The following FRMD4A variants were observed in gnomAD, a reference collection of about 807,000 sequenced individuals.
FRMD4A encodes the protein FERM domain containing 4A.
A neutral mutation model predicts 129.1 loss-of-function variants in FRMD4A; 29 were observed. The observed-to-expected ratio is 0.22, with a 90% CI of 0.17 to 0.31. The LOEUF (loss-of-function observed/expected upper bound fraction) is 0.31. Among genes scored for constraint, FRMD4A ranks in the 10% least tolerant of loss-of-function variants. The probability of loss-of-function intolerance (pLI) is 1.00; values close to 1 mark genes in which losing one functional copy is unlikely to be tolerated. For missense variants in FRMD4A, 1,272 were observed against 1,375.8 expected (o/e 0.92, Z 1.19); for synonymous variants, 634 against 571.6 (o/e 1.11, Z -1.56).
chr10:13,713,961 A>G lies in FRMD4A; in HGVS notation c.760-6848T>C, dbSNP rs1315148322. On this transcript the variant is annotated intron_variant, in intron 12 of 24. Transcript: ENST00000357447. ...ACATATATGTAATACACACACATATATAATATATACATATATGTAATATAC... is the reference window on the plus strand; with the variant it reads ...ACATATATGTAATACACACACATATGTAATATATACATATATGTAATATAC... Among the ~76,000 whole-genome samples, 3 of 124,578 alleles carry G rather than the reference A, an allele frequency of 2.4e-5. 1 individual carries two copies. Among genetic ancestry groups the G allele is most frequent in the Non-Finnish European group, 5.0e-5 (3 of 59,552 alleles). The allele number at this position is 124,578 out of a possible 152,430, so 81.7% of individuals were successfully genotyped here.
intron 2 of FRMD4A, among the ~76,000 whole-genome samples, chr10:14,047,452 T>G (rs12250709): frequency 6.6e-6 from 1 of 152,024 alleles, no homozygotes; most frequent in Non-Finnish European, 1.5e-5. Flanking sequence ...TCATTTTCAG[T>G]CATTTAAGAG....
chr10:14,121,950 G>C (rs1838547505), intron 2 of FRMD4A, among the ~76,000 whole-genome samples: 2 of 152,194 alleles, frequency 1.3e-5, no homozygotes, highest in African/African-American at 2.4e-5. Context: ...GTTGCAGTAA[G>C]GATTATGCCA....
intron 2 of FRMD4A, among the ~76,000 whole-genome samples, chr10:14,234,066 A>T (rs1410231477): frequency 6.6e-6 from 1 of 152,236 alleles, no homozygotes; most frequent in East Asian, 1.9e-4. Flanking sequence ...TTGCCTCCCA[A>T]GACTAAGCAC....
chr10:13,734,952 C>A lies in FRMD4A; in HGVS notation c.759+2892G>T, dbSNP rs188056361. Among the ~76,000 whole-genome samples the A allele has an allele frequency of 2.8e-4, 42 of 152,164 alleles. 1 individual carries two copies. The East Asian group carries it at 7.9e-3, about 29-fold the overall frequency. The stretch of plus-strand genomic sequence containing the variant: ...GCAGTGGTGCGATCTCAGCTTACTG[C>A]AACCTCTGCCTTCCAGGTTCAAGTG... On this transcript the variant is annotated intron_variant, in intron 12 of 24. Transcript: ENST00000357447.
chr10:14,025,202 T>C (rs770801629), intron 2 of FRMD4A, among the ~76,000 whole-genome samples: 7 of 152,182 alleles, frequency 4.6e-5, no homozygotes, highest in African/African-American at 1.7e-4. Context: ...AAGGAAAAAA[T>C]TTAATATCTC....
intron 2 of FRMD4A, among the ~76,000 whole-genome samples, chr10:13,902,916 CTGATTCTTAGCTTG>C (rs1208626079): frequency 6.6e-6 from 1 of 151,778 alleles, no homozygotes; most frequent in African/African-American, 2.4e-5. Flanking sequence ...ACCCAGGTCT[CTGATTCTTAGCTTG>C]GGTTAGGGTG....
At chr10:13,943,921 C>T (rs113832912) in intron 2 of FRMD4A, among the ~76,000 whole-genome samples, 2 of 152,186 alleles carry the variant, frequency 1.3e-5, no homozygotes, top group African/African-American at 4.8e-5. Flanking sequence ...AAGAAAGGCA[C>T]CTTCAAGGTG....
At chr10:14,010,537 G>A (rs1285200915) in intron 2 of FRMD4A, among the ~76,000 whole-genome samples, 1 of 151,738 alleles carries the variant, frequency 6.6e-6, no homozygotes, top group African/African-American at 2.4e-5. Context: ...TCCCCGCGGA[G>A]TAGGTGACCC....
intron 2 of FRMD4A, among the ~76,000 whole-genome samples, chr10:14,122,328 T>A (rs951352057): frequency 4.6e-5 from 7 of 152,226 alleles, no homozygotes; most frequent in African/African-American, 1.7e-4. Context: ...TCACAAGGTT[T>A]TTTTTATACG....
intron 12 of FRMD4A, 132 bp from the exon 13 acceptor site, chr10:13,707,245 C>A: frequency 1.3e-6 from 1 of 781,262 alleles, no homozygotes. Context: ...GTGCCTCCTC[C>A]GCCTCTTGCT....
chr10:14,216,809 C>G (rs747358715), intron 2 of FRMD4A, among the ~76,000 whole-genome samples: 10 of 152,136 alleles, frequency 6.6e-5, no homozygotes, highest in Non-Finnish European at 1.3e-4. Flanking sequence ...CTATCATATG[C>G]CTGAAACATG....
intron 15 of FRMD4A, among the ~76,000 whole-genome samples, chr10:13,686,708 T>C (rs1257194181): frequency 6.6e-6 from 1 of 152,220 alleles, no homozygotes; most frequent in African/African-American, 2.4e-5. Context: ...TCAATGGCCA[T>C]CTCAGTAATC....
chr10:13,682,907 G>A (rs1479094839), intron 15 of FRMD4A, among the ~76,000 whole-genome samples: 4 of 152,120 alleles, frequency 2.6e-5, no homozygotes, highest in South Asian at 2.1e-4. Context: ...AACTCAACAC[G>A]GGTAGGAGCT....
intron 2 of FRMD4A, among the ~76,000 whole-genome samples, chr10:13,956,047 C>A (rs566617709): frequency 6.6e-6 from 1 of 152,332 alleles, no homozygotes; most frequent in Admixed American, 6.5e-5. Flanking sequence ...CCCAGGAGTA[C>A]TTCAATACTG....
chr10:14,118,940 G>A (rs1168012173), intron 2 of FRMD4A, among the ~76,000 whole-genome samples: 2 of 152,132 alleles, frequency 1.3e-5, no homozygotes, highest in Admixed American at 6.6e-5. Context: ...GACCTCCTGA[G>A]TGACCTACCT....
intron 2 of FRMD4A, among the ~76,000 whole-genome samples, chr10:13,875,509 T>C (rs954184673): frequency 1.3e-5 from 2 of 152,194 alleles, no homozygotes; most frequent in Non-Finnish European, 2.9e-5. Flanking sequence ...GGGGTCATAT[T>C]GTTTACAGTT....
At chr10:14,005,618 C>T (rs2446596) in intron 2 of FRMD4A, among the ~76,000 whole-genome samples, 149,578 of 152,326 alleles carry the variant, frequency 0.98, 73,452 homozygotes, top group East Asian at 1. Context: ...TCCTTTAATG[C>T]GAACACAGGT....
At chr10:14,185,606 G>C (rs146956745) in intron 2 of FRMD4A, among the ~76,000 whole-genome samples, 8 of 140,976 alleles carry the variant, frequency 5.7e-5, no homozygotes, top group Admixed American at 2.2e-4. Context: ...CAGGTAGAGA[G>C]ACAGAAAGGG....
At chr10:14,307,781 C>T (rs1369222547) in intron 2 of FRMD4A, among the ~76,000 whole-genome samples, 1 of 152,240 alleles carries the variant, frequency 6.6e-6, no homozygotes, top group Non-Finnish European at 1.5e-5. Context: ...GCTCCACGAA[C>T]GATAAGGGAA....
Sources: gnomAD v4.1 joint callset for allele counts (sites outside exome capture counted in the v4.1 genomes callset) on GRCh38, gnomAD v4.1.1 for gene constraint, MANE v1.5 for transcripts, NCBI Gene and HGNC (gene_info 2026-07-23, HGNC 2026-07-21) for gene names.